Variants in SGSM3 observed in about 807,000 individuals in gnomAD.
SGSM3 encodes RUN and SH3 containing 3.
Under a neutral mutation model 100.5 loss-of-function variants are expected in SGSM3, and 96 were observed. The ratio of observed to expected loss-of-function variants is 0.96; its 90% CI spans 0.81 to 1.13. The LOEUF (loss-of-function observed/expected upper bound fraction) is 1.13, where lower values mean the gene tolerates loss of function less well. Ranked by LOEUF, SGSM3 falls within the 50% of genes most tolerant of loss-of-function variation. The pLI is 0.00. For missense variants in SGSM3, 1,001 were observed against 1,015.8 expected (o/e 0.99, Z 0.20); for synonymous variants, 483 against 422.8 (o/e 1.14, Z -1.75).
chr22:40,383,881 A>G (rs879387406), intron 1 of SGSM3, among the ~76,000 whole-genome samples: 79 of 152,200 alleles, frequency 5.2e-4, no homozygotes, highest in Non-Finnish European at 4.0e-4. Flanking sequence ...GGCAGTGGAA[A>G]TGGAGATGGA....
chr22:40,386,821 G>GT (rs2048539892), intron 1 of SGSM3, among the ~76,000 whole-genome samples: 1 of 151,922 alleles, frequency 6.6e-6, no homozygotes, highest in African/African-American at 2.4e-5. Context: ...CTGCACCCCA[G>GT]TACTAAAGAA....
In SGSM3 at chr22:40,407,081, C is replaced by T. The variant is rs1300534130; in HGVS notation, c.1240+10C>T. The stretch of plus-strand genomic sequence containing the variant: ...ACTGCTCTGCTCTTCGGTGAGAGCT[C>T]TGCGAGTGCCAGGCAGTGTGGGCAT... On this transcript the variant is annotated intron_variant, in intron 11 of 21. Coordinates refer to ENST00000248929, the MANE Select transcript of SGSM3 (RefSeq NM_015705.6). This position sits in a 1 kb window ranked among gnomAD's most constrained non-coding sequence, Gnocchi z 4.7. The T allele has an allele frequency of 2.5e-6, 4 of 1,599,182 alleles. No homozygotes were observed. Among genetic ancestry groups the T allele is most frequent in the Non-Finnish European group, 3.4e-6 (4 of 1,173,026 alleles).
rs574293537 is a variant in SGSM3, at chr22:40,409,862, G to A, written c.*103G>A. The stretch of plus-strand genomic sequence containing the variant: ...CAGCTCCAGAGCCCTGGCCGGGGCC[G>A]CGGGATATCAATATCAGGCTGCCCC... On this transcript the variant is annotated 3_prime_UTR_variant, in exon 22 of 22. Transcript: ENST00000248929. 56 of 1,481,038 alleles carry A rather than the reference G, an allele frequency of 3.8e-5. No homozygotes were observed. The highest frequency in any genetic ancestry group is 1.2e-4 in the South Asian group (9 of 72,868). The allele number at this position is 1,481,038 out of a possible 1,614,324, so 91.7% of individuals were successfully genotyped here.
intron 7 of SGSM3, 68 bp from the exon 8 acceptor site, chr22:40,405,581 G>T (rs1030518632): frequency 6.9e-7 from 1 of 1,451,524 alleles, no homozygotes; most frequent in Non-Finnish European, 9.5e-7. Flanking sequence ...TCTCCCTAGG[G>T]TAGGGGCACC....
intron 4 of SGSM3, 40 bp from the exon 5 acceptor site, chr22:40,404,207 G>T (rs777266981): frequency 6.7e-7 from 1 of 1,484,842 alleles, no homozygotes; most frequent in South Asian, 1.4e-5. Flanking sequence ...ACACGTAGTA[G>T]AGAATGCTTT....
rs768837068 is a variant in SGSM3 at position 40,407,557 on chromosome 22, G to A, written c.1513G>A (p.Asp505Asn). Residue 505 changes from aspartate to asparagine, a missense_variant, in exon 13 of 22, where the codon GAC becomes AAC. Coordinates refer to ENST00000248929, the MANE Select transcript of SGSM3 (RefSeq NM_015705.6). This position sits in a 1 kb window ranked among gnomAD's most constrained non-coding sequence, Gnocchi z 4.7. The stretch of plus-strand genomic sequence containing the variant: ...CGACGAGCTGGGCTTCCGCAAGAAC[G>A]ACATCATCACAGTGCGTGGGGGCGC... ...DDDELGFRKN[D>N]IITIVSQKDE... The A allele has an allele frequency of 7.5e-6, 12 of 1,603,760 alleles. No individual in the cohort carries two copies. The highest frequency in any genetic ancestry group is 1.0e-5 in the Non-Finnish European group (12 of 1,179,834).
intron 4 of SGSM3, among the ~76,000 whole-genome samples, chr22:40,403,564 A>G (rs2051031902): frequency 1.3e-5 from 2 of 152,190 alleles, no homozygotes; most frequent in South Asian, 4.1e-4. Context: ...AATCATATAT[A>G]AAAAGGTCCT....
rs1569229753 is a variant in SGSM3, at chr22:40,408,859, T to G, written c.1902+17T>G. On this transcript the variant is annotated intron_variant, in intron 18 of 21. Coordinates refer to ENST00000248929, the MANE Select transcript of SGSM3 (RefSeq NM_015705.6). Reference sequence around the variant, plus strand: ...CTCTACCGGGTAAGGGGGCCTCCTCTGCCAGACCCTAGAGACCTCTCTGGG... The same window carrying G: ...CTCTACCGGGTAAGGGGGCCTCCTCGGCCAGACCCTAGAGACCTCTCTGGG... 7.4e-6 allele frequency: 12 copies of G among 1,613,898 alleles called. No individual in the cohort carries two copies. Among genetic ancestry groups the G allele is most frequent in the Non-Finnish European group, 9.3e-6 (11 of 1,180,004 alleles).
chr22:40,376,713 G>A (rs900650220), intron 1 of SGSM3, among the ~76,000 whole-genome samples: 7 of 91,010 alleles, frequency 7.7e-5, no homozygotes, highest in African/African-American at 1.9e-4. Flanking sequence ...CTAAAGATTG[G>A]TGGAGTCAGG....
chr22:40,387,603 C>T (rs1437393516), intron 1 of SGSM3: 1 of 165,560 alleles, frequency 6.0e-6, no homozygotes, highest in Non-Finnish European at 1.3e-5. Context: ...TGCTATTTTT[C>T]AGAGCTACCT....
At chr22:40,372,122 C>CTTTTTTTTTTTTT (rs58396730) in intron 1 of SGSM3, among the ~76,000 whole-genome samples, 3 of 65,202 alleles carry the variant, frequency 4.6e-5, no homozygotes, top group Non-Finnish European at 8.0e-5. Flanking sequence ...TCCCCCCCCC[C>CTTTTTTTTTTTTT]TTTTTTTTTT....
chr22:40,406,745 C>A, intron 10 of SGSM3, 83 bp downstream of exon 10: 1 of 1,219,022 alleles, frequency 8.2e-7, no homozygotes, highest in Non-Finnish European at 1.2e-6. Flanking sequence ...GCGGGGGCTG[C>A]GGAAAACAAA....
chr22:40,407,593 G>C lies in SGSM3; in HGVS notation c.1524+25G>C. On this transcript the variant is annotated intron_variant, in intron 13 of 21. Transcript: ENST00000248929. The surrounding 1 kb of genome is among the most constrained non-coding windows in gnomAD (Gnocchi z 4.7). ...AGTGCGTGGGGGCGCTGGACTACCA[G>C]GTCCTCAGGCTGTGGCGGGTTCCCC... The C allele has an allele frequency of 1.3e-6, 2 of 1,598,862 alleles. No individual in the cohort carries two copies.
At chr22:40,404,177 GA>G in intron 4 of SGSM3, 69 bp from the exon 5 acceptor site, 1 of 1,335,778 alleles carries the variant, frequency 7.5e-7, no homozygotes, top group Non-Finnish European at 1.0e-6. Context: ...CCTGAAGACG[GA>G]GGCTTGGCTG....
chr22:40,395,456 G>A (rs1312344864), intron 1 of SGSM3, among the ~76,000 whole-genome samples: 1 of 151,928 alleles, frequency 6.6e-6, no homozygotes, highest in Non-Finnish European at 1.5e-5. Flanking sequence ...CAAGTAGCTG[G>A]GATTATAGGT....
intron 4 of SGSM3, among the ~76,000 whole-genome samples, chr22:40,403,713 G>A (rs770147835): frequency 6.6e-6 from 1 of 152,202 alleles, no homozygotes; most frequent in African/African-American, 2.4e-5. Flanking sequence ...TCTCAGCTCT[G>A]AGCAGAGTGA....
intron 1 of SGSM3, among the ~76,000 whole-genome samples, chr22:40,385,983 C>G (rs1382505782): frequency 6.6e-6 from 1 of 151,978 alleles, no homozygotes; most frequent in East Asian, 1.9e-4. Flanking sequence ...TCCCAGGTAG[C>G]TGGGACTACA....
At chr22:40,405,324 C>A (rs1447299632) in intron 7 of SGSM3, 40 bp downstream of exon 7, 2 of 1,440,770 alleles carry the variant, frequency 1.4e-6, no homozygotes, top group Non-Finnish European at 9.1e-7. Flanking sequence ...AGCCCCAGGA[C>A]CCCCTCCAGG....
intron 10 of SGSM3, 69 bp from the exon 11 acceptor site, chr22:40,406,948 A>C: frequency 6.9e-7 from 1 of 1,448,472 alleles, no homozygotes; most frequent in East Asian, 2.5e-5. Context: ...GAGACAGTAT[A>C]AGCCAAGGGC....
Sources: allele counts gnomAD v4.1 joint callset (sites outside exome capture counted in the v4.1 genomes callset), GRCh38; gene constraint gnomAD v4.1.1; non-coding constraint Gnocchi (gnomAD v3.1); transcripts MANE v1.5; gene names NCBI Gene and HGNC (gene_info 2026-07-23, HGNC 2026-07-21).